Variants in NYAP1 observed in about 807,000 individuals in gnomAD.
The protein encoded by NYAP1 is neuronal tyrosine-phosphorylated phosphoinositide-3-kinase adapter 1.
NYAP1 carries 20 observed loss-of-function variants against 58.6 expected under a neutral mutation model. That is an observed-to-expected ratio of 0.34 (90% confidence interval 0.24 to 0.50). The LOEUF is 0.50. NYAP1 is among the 20% of genes least tolerant of loss of function. The pLI is 0.98. For synonymous variants in NYAP1, 572 were observed against 523.1 expected (o/e 1.09, Z -1.27); for missense variants, 1,150 against 1,194.5 (o/e 0.96, Z 0.55).
Position 100,485,392 on chromosome 7 carries a change from C to T in NYAP1, c.68+13C>T, listed in dbSNP as rs1475244757. 1.3e-6 allele frequency: 2 copies of T among 1,587,260 alleles called. No individual in the cohort carries two copies. Among genetic ancestry groups the T allele is most frequent in the Admixed American group, 3.5e-5 (2 of 57,322 alleles). ...AGGCCAAGAGGAGGTAAGGCTGCACCCCAGACTGCTCCCTTCCCTTCCGCA... is the reference window on the plus strand; with the variant it reads ...AGGCCAAGAGGAGGTAAGGCTGCACTCCAGACTGCTCCCTTCCCTTCCGCA... On this transcript the variant is annotated intron_variant, in intron 2 of 6. Coordinates refer to ENST00000300179, the MANE Select transcript of NYAP1 (RefSeq NM_173564.4). This position sits in a 1 kb window ranked among gnomAD's most constrained non-coding sequence, Gnocchi z 5.7.
chr7:100,488,440 G>C lies in NYAP1; in HGVS notation c.719G>C (p.Gly240Ala), dbSNP rs766370605. The stretch of plus-strand genomic sequence containing the variant: ...GGAGGCCTGGCTGGGCCCCCTCTTG[G>C]GGGTGGGGGCCCGACCCCTCCAGCG... The part of the protein sequence containing the change: ...SGGGLAGPPL[G>A]GGGPTPPAGA... The change falls in exon 4 of 7, where the codon GGG becomes GCG. Residue 240 changes from glycine (G) to alanine (A), a missense_variant. Coordinates refer to ENST00000300179, the MANE Select transcript of NYAP1 (RefSeq NM_173564.4). The surrounding 1 kb of genome is among the most constrained non-coding windows in gnomAD (Gnocchi z 5.9). 6.2e-7 allele frequency: 1 copy of C among 1,604,204 alleles called. No individual in the cohort carries two copies. Among genetic ancestry groups the C allele is most frequent in the African/African-American group, 1.3e-5 (1 of 74,534 alleles).
In NYAP1 at chr7:100,486,349, G is replaced by A. The variant is rs1200096323; in HGVS notation, c.69-472G>A. On this transcript the variant is annotated intron_variant, in intron 2 of 6. Transcript: ENST00000300179. The surrounding 1 kb of genome is among the most constrained non-coding windows in gnomAD (Gnocchi z 6.2). The stretch of plus-strand genomic sequence containing the variant: ...GGGAGGCTGCTCTGGTCCTGGAGGG[G>A]CACATCCTGCATCTGGGAGAGGAGG... Among the ~76,000 whole-genome samples, 2 of 152,238 alleles carry A rather than the reference G, an allele frequency of 1.3e-5. No homozygotes were observed. The highest frequency in any genetic ancestry group is 3.9e-4 in the East Asian group (2 of 5,168).
rs1049187968 is a variant in NYAP1, at chr7:100,493,911, G to C, written c.*8G>C. 1 of 1,431,220 alleles carries C rather than the reference G, an allele frequency of 7.0e-7. No individual in the cohort carries two copies. Among genetic ancestry groups the C allele is most frequent in the Non-Finnish European group, 9.1e-7 (1 of 1,097,628 alleles). 88.7% of individuals were successfully genotyped at this position (1,431,220 alleles called of 1,614,324 possible). A position where few individuals can be genotyped will look rare whatever the true frequency, so the allele number is the denominator to read the frequency against. ...TGGGACACCGCCATCTGAGGCGGGC[G>C]GGGGGGTACCGGGGCGCCTGGACTG... On this transcript the variant is annotated 3_prime_UTR_variant, in exon 7 of 7. Transcript: ENST00000300179.
chr7:100,490,512 A>G lies in NYAP1; in HGVS notation c.1946-5A>G. 2.5e-6 allele frequency: 4 copies of G among 1,576,346 alleles called. No individual in the cohort carries two copies. The highest frequency in any genetic ancestry group is 3.4e-6 in the Non-Finnish European group (4 of 1,161,084). ...GGCACACAGCTCTCCTTGTCATCCCAGCAGAGGTCGAGGACGGTGCCCGGG... is the reference window on the plus strand; with the variant it reads ...GGCACACAGCTCTCCTTGTCATCCCGGCAGAGGTCGAGGACGGTGCCCGGG... On this transcript the variant is annotated splice_region_variant and splice_polypyrimidine_tract_variant and intron_variant, in intron 4 of 6. Coordinates refer to ENST00000300179, the MANE Select transcript of NYAP1 (RefSeq NM_173564.4). This position sits in a 1 kb window ranked among gnomAD's most constrained non-coding sequence, Gnocchi z 4.6.
In NYAP1 at chr7:100,489,136, A is replaced by G. The variant is rs1799751881; in HGVS notation, c.1415A>G (p.His472Arg). ...MVYSAVKVTTHSVLPAGPPLG... is the reference protein window; with the variant it reads ...MVYSAVKVTTRSVLPAGPPLG... ...TACTCGGCGGTCAAGGTGACCACGC[A>G]CTCTGTCCTGCCAGCTGGTCCACCC... The change falls in exon 4 of 7, where the codon CAC (histidine) becomes CGC (arginine). Residue 472 changes from histidine to arginine, a missense_variant. Transcript: ENST00000300179. 1.2e-6 allele frequency: 2 copies of G among 1,605,522 alleles called. No individual in the cohort carries two copies. The highest frequency in any genetic ancestry group is 1.3e-5 in the African/African-American group (1 of 74,716).
In NYAP1 at chr7:100,490,981, C is replaced by T. The variant is rs755163198; in HGVS notation, c.2159-5C>T. 1 of 1,541,926 alleles carries T rather than the reference C, an allele frequency of 6.5e-7. No individual in the cohort carries two copies. The highest frequency in any genetic ancestry group is 8.8e-7 in the Non-Finnish European group (1 of 1,138,906). ...CACTCCTCACTCCTCCTTCTTCCAC[C>T]TCAGACTTCACGGGAGGCTACCGCC... On this transcript the variant is annotated splice_polypyrimidine_tract_variant and splice_region_variant and intron_variant, in intron 5 of 6. Coordinates refer to ENST00000300179, the MANE Select transcript of NYAP1 (RefSeq NM_173564.4). This position sits in a 1 kb window ranked among gnomAD's most constrained non-coding sequence, Gnocchi z 4.6.
chr7:100,489,126 G>T lies in NYAP1; in HGVS notation c.1405G>T (p.Val469Leu), dbSNP rs1293726028. 1 of 1,601,504 alleles carries T rather than the reference G, an allele frequency of 6.2e-7. No homozygotes were observed. The highest frequency in any genetic ancestry group is 8.5e-7 in the Non-Finnish European group (1 of 1,174,740). Residue 469 changes from valine (V) to leucine (L), a missense_variant, in exon 4 of 7, where the codon GTG (valine) becomes TTG (leucine). Val to Leu is a conservative substitution (Grantham distance 32, BLOSUM62 1). Transcript: ENST00000300179. ...CACCATGGTGTACTCGGCGGTCAAG[G>T]TGACCACGCACTCTGTCCTGCCAGC... ...SYTMVYSAVK[V>L]TTHSVLPAGP...
rs949077481 is a variant in NYAP1 at position 100,485,612 on chromosome 7, C to T, written c.68+233C>T. On this transcript the variant is annotated intron_variant, in intron 2 of 6. Transcript: ENST00000300179. This position sits in a 1 kb window ranked among gnomAD's most constrained non-coding sequence, Gnocchi z 5.7. ...TGGTTGTTCCCCATCCCCAGAGGCC[C>T]GAGTCACTCCTTCCTGACTCACCTC... Among the ~76,000 whole-genome samples, 5 of 152,166 alleles carry T rather than the reference C, an allele frequency of 3.3e-5. No individual in the cohort carries two copies. The highest frequency in any genetic ancestry group is 7.2e-5 in the African/African-American group (3 of 41,440).
In NYAP1 at chr7:100,487,133, C is replaced by T. The variant is rs1176669638; in HGVS notation, c.381C>T (p.Ser127=). 2 of 1,554,912 alleles carry T rather than the reference C, an allele frequency of 1.3e-6. No homozygotes were observed. The highest frequency in any genetic ancestry group is 1.7e-6 in the Non-Finnish European group (2 of 1,151,194). ...GGAGACACCCCAGCACCAAGCTCAG[C>T]ATGGTGGGGCCTGGGTCTGGGGCAG... The part of the protein sequence containing the change: ...KPRRHPSTKL[S]MVGPGSGAET... The change falls in exon 3 of 7, where the codon AGC becomes AGT. Residue 127 remains serine, a synonymous_variant. Transcript: ENST00000300179. This position sits in a 1 kb window ranked among gnomAD's most constrained non-coding sequence, Gnocchi z 4.1.
Position 100,487,589 on chromosome 7 carries a change from C to T in NYAP1, c.430+407C>T, listed in dbSNP as rs1799725031. Among the ~76,000 whole-genome samples, 1 of 152,178 alleles carries T rather than the reference C, an allele frequency of 6.6e-6. No individual in the cohort carries two copies. The highest frequency in any genetic ancestry group is 2.1e-4 in the South Asian group (1 of 4,832). ...CGATCTCAGCTCACTGCATCCTCCG[C>T]CTCCCAGGTTCAAGCAGTTCTCCTG... On this transcript the variant is annotated intron_variant, in intron 3 of 6. Coordinates refer to ENST00000300179, the MANE Select transcript of NYAP1 (RefSeq NM_173564.4). The surrounding 1 kb of genome is among the most constrained non-coding windows in gnomAD (Gnocchi z 4.1).
chr7:100,491,112 CT>C lies in NYAP1; in HGVS notation c.2268+21del. The C allele has an allele frequency of 6.7e-7, 1 of 1,494,458 alleles. No individual in the cohort carries two copies. Among genetic ancestry groups the C allele is most frequent in the Non-Finnish European group, 9.1e-7 (1 of 1,097,706 alleles). The allele number at this position is 1,494,458 out of a possible 1,614,324, so 92.6% of individuals were successfully genotyped here. On this transcript the variant is annotated intron_variant, in intron 6 of 6. Coordinates refer to ENST00000300179, the MANE Select transcript of NYAP1 (RefSeq NM_173564.4). ...CTGAGCCAGGTGAGGCTTGGTTTTT[CT>C]TTTATTTGTGAAGGAGCAGGTGGAG...
In NYAP1 at chr7:100,488,356, A is replaced by C. The variant is rs2131066658; in HGVS notation, c.635A>C (p.Glu212Ala). 1.2e-6 allele frequency: 2 copies of C among 1,605,216 alleles called. No individual in the cohort carries two copies. Among genetic ancestry groups the C allele is most frequent in the South Asian group, 1.1e-5 (1 of 90,198 alleles). The change falls in exon 4 of 7, where the codon GAA (glutamate) becomes GCA (alanine). Residue 212 changes from glutamate (E) to alanine (A), a missense_variant. By Grantham distance (107) the Glu-to-Ala change is moderately radical. Transcript: ENST00000300179. This position sits in a 1 kb window ranked among gnomAD's most constrained non-coding sequence, Gnocchi z 5.9. Reference protein sequence around the residue: ...VAGDPDVGAQEEPVYIEMVGD... With the variant: ...VAGDPDVGAQAEPVYIEMVGD... ...GGGGACCCTGATGTGGGTGCCCAGGAAGAGCCTGTGTACATTGAGATGGTG... is the reference window on the plus strand; with the variant it reads ...GGGGACCCTGATGTGGGTGCCCAGGCAGAGCCTGTGTACATTGAGATGGTG...
At position 100,486,802 on chromosome 7, in the gene NYAP1, C is replaced by G. The variant is rs759517906; in HGVS notation, c.69-19C>G. On this transcript the variant is annotated intron_variant, in intron 2 of 6. Coordinates refer to ENST00000300179, the MANE Select transcript of NYAP1 (RefSeq NM_173564.4). This position sits in a 1 kb window ranked among gnomAD's most constrained non-coding sequence, Gnocchi z 6.2. ...GTCCGAGGCCCTTCCTCCACTCCAT[C>G]GTGGCCTTCTCTCCCCAGCTCCAGT... The G allele has an allele frequency of 2.4e-5, 35 of 1,457,086 alleles. No individual in the cohort carries two copies. Among genetic ancestry groups the G allele is most frequent in the Non-Finnish European group, 3.1e-5 (34 of 1,109,110 alleles). 90.3% of individuals were successfully genotyped at this position (1,457,086 alleles called of 1,614,324 possible).
At position 100,487,808 on chromosome 7, in the gene NYAP1, ATTAATTGACGTTT is replaced by A. The variant is rs1421777975; in HGVS notation, c.431-342_431-330del. Reference sequence around the variant, plus strand: ...AGGCGTGAGCCACTGTGCTTGGCCAATTAATTGACGTTTTAAAAAGACCAAGGGCTGACTAGTA... The same window carrying A: ...AGGCGTGAGCCACTGTGCTTGGCCAATAAAAAGACCAAGGGCTGACTAGTA... On this transcript the variant is annotated intron_variant, in intron 3 of 6. Transcript: ENST00000300179. The surrounding 1 kb of genome is among the most constrained non-coding windows in gnomAD (Gnocchi z 4.1). 1.3e-5 allele frequency among the ~76,000 whole-genome samples: 2 copies of A among 152,152 alleles called. No homozygotes were observed. The highest frequency in any genetic ancestry group is 1.3e-4 in the Admixed American group (2 of 15,270).
chr7:100,494,685 T>A lies in NYAP1; in HGVS notation c.*782T>A, dbSNP rs1028594705. 2.1e-4 allele frequency: 2 copies of A among 9,386 alleles called. No individual in the cohort carries two copies. The highest frequency in any genetic ancestry group is 3.7e-4 in the Non-Finnish European group (2 of 5,412). The allele number at this position is 9,386 out of a possible 1,614,324, so 0.6% of individuals were successfully genotyped here. On this transcript the variant is annotated 3_prime_UTR_variant, in exon 7 of 7. Transcript: ENST00000300179. ...GGAGGAGGAGGGAAATTTTAGCGGG[T>A]GGAGGGGGTGGGCAGGGTATTTATT...
chr7:100,490,992 C>T lies in NYAP1; in HGVS notation c.2165C>T (p.Thr722Met), dbSNP rs371832105. The T allele has an allele frequency of 4.0e-5, 62 of 1,549,428 alleles. No homozygotes were observed. Among genetic ancestry groups the T allele is most frequent in the Middle Eastern group, 3.3e-4 (2 of 6,010 alleles). Reference sequence around the variant, plus strand: ...CCTCCTTCTTCCACCTCAGACTTCACGGGAGGCTACCGCCTGGGGCGCTCC... The same window carrying T: ...CCTCCTTCTTCCACCTCAGACTTCATGGGAGGCTACCGCCTGGGGCGCTCC... ...FPACHRNGDF[T>M]GGYRLGRSAS... The change falls in exon 6 of 7, where the codon ACG becomes ATG. Residue 722 changes from threonine (T) to methionine (M), a missense_variant. Coordinates refer to ENST00000300179, the MANE Select transcript of NYAP1 (RefSeq NM_173564.4). This position sits in a 1 kb window ranked among gnomAD's most constrained non-coding sequence, Gnocchi z 4.6.
Position 100,490,716 on chromosome 7 carries a change from C to G in NYAP1, c.2145C>G (p.Cys715Trp). ...TTCCCTGCCAGACCTTCCCCGCCTG[C>G]CACCGCAATGGAGGTGACGCGGCCT... ...LPIPCQTFPACHRNGDFTGGY... is the reference protein window; with the variant it reads ...LPIPCQTFPAWHRNGDFTGGY... Residue 715 changes from cysteine to tryptophan, a missense_variant, in exon 5 of 7, where the codon TGC becomes TGG. Coordinates refer to ENST00000300179, the MANE Select transcript of NYAP1 (RefSeq NM_173564.4). This position sits in a 1 kb window ranked among gnomAD's most constrained non-coding sequence, Gnocchi z 4.6. 1 of 1,514,636 alleles carries G rather than the reference C, an allele frequency of 6.6e-7. No homozygotes were observed. Among genetic ancestry groups the G allele is most frequent in the Non-Finnish European group, 8.9e-7 (1 of 1,127,788 alleles). The allele number at this position is 1,514,636 out of a possible 1,614,324, so 93.8% of individuals were successfully genotyped here.
chr7:100,486,687 C>T lies in NYAP1; in HGVS notation c.69-134C>T. 1 of 1,080,500 alleles carries T rather than the reference C, an allele frequency of 9.3e-7. No individual in the cohort carries two copies. The highest frequency in any genetic ancestry group is 1.9e-5 in the South Asian group (1 of 52,164). The allele number at this position is 1,080,500 out of a possible 1,614,324, so 66.9% of individuals were successfully genotyped here. A position where few individuals can be genotyped will look rare whatever the true frequency, so the allele number is the denominator to read the frequency against. ...TTCATTGGTGCCCTGGACCTTCTGG[C>T]AACCCTGTCCCCACCCAGGCTCCCG... On this transcript the variant is annotated intron_variant, in intron 2 of 6. Coordinates refer to ENST00000300179, the MANE Select transcript of NYAP1 (RefSeq NM_173564.4). The surrounding 1 kb of genome is among the most constrained non-coding windows in gnomAD (Gnocchi z 6.2).
rs1246926583 is a variant in NYAP1 at position 100,494,714 on chromosome 7, A to G, written c.*811A>G. The G allele has an allele frequency of 6.6e-6, 1 of 151,810 alleles. No individual in the cohort carries two copies. Among genetic ancestry groups the G allele is most frequent in the Non-Finnish European group, 1.5e-5 (1 of 67,922 alleles). 9.4% of individuals were successfully genotyped at this position (151,810 alleles called of 1,614,324 possible). A position where few individuals can be genotyped will look rare whatever the true frequency, so the allele number is the denominator to read the frequency against. On this transcript the variant is annotated 3_prime_UTR_variant, in exon 7 of 7. Transcript: ENST00000300179. ...GGGGGTGGGCAGGGTATTTATTTAA[A>G]TTAAAAAACAAAACAGAAGAGATGT...
Sources: gnomAD v4.1 joint callset for allele counts (sites outside exome capture counted in the v4.1 genomes callset) on GRCh38, gnomAD v4.1.1 for gene constraint, Gnocchi (gnomAD v3.1) non-coding constraint, MANE v1.5 for transcripts, NCBI Gene and HGNC (gene_info 2026-07-23, HGNC 2026-07-21) for gene names.